GUCY2F: variants seen among roughly 807,000 people sequenced by gnomAD.
GUCY2F encodes the protein retinal guanylyl cyclase 2.
Under a neutral mutation model 73.1 loss-of-function variants are expected in GUCY2F, and 61 were observed. The observed-to-expected ratio is 0.83, with a 90% confidence interval of 0.68 to 1.03. GUCY2F has a LOEUF of 1.03. GUCY2F is among the 50% of genes least tolerant of loss of function. The pLI is 0.00. For synonymous variants in GUCY2F, 331 were observed against 307.8 expected (o/e 1.08, Z -0.79); for missense variants, 912 against 854.3 (o/e 1.07, Z -0.84).
intron 7 of GUCY2F, among the ~76,000 whole-genome samples, chrX:109,436,023 G>A (rs1300499161): frequency 6.3e-5 from 7 of 111,199 alleles, no homozygotes; most frequent in African/African-American, 2.0e-4. Context: ...TGCTGGATTC[G>A]GTTTGCCAGC....
At chrX:109,436,031 A>G (rs1478600852) in intron 7 of GUCY2F, among the ~76,000 whole-genome samples, 1 of 111,554 alleles carries the variant, frequency 9.0e-6, no homozygotes, top group Admixed American at 9.6e-5. Flanking sequence ...TCGGTTTGCC[A>G]GCATCTGACA....
At chrX:109,416,948 A>G (rs75578824) in intron 8 of GUCY2F, among the ~76,000 whole-genome samples, 1 of 109,578 alleles carries the variant, frequency 9.1e-6, no homozygotes, top group Non-Finnish European at 1.9e-5. Context: ...AAAAAAAAAA[A>G]CCAATGAAAC....
chrX:109,481,757 T>A (rs1932766611), intron 1 of GUCY2F, 109 bp downstream of exon 1: 1 of 110,592 alleles, frequency 9.0e-6, no homozygotes, highest in African/African-American at 3.3e-5. Context: ...TTACTACATA[T>A]TGCAGTAAAA....
At chrX:109,400,693 C>A (rs758935421) in intron 10 of GUCY2F, among the ~76,000 whole-genome samples, 39 of 111,728 alleles carry the variant, frequency 3.5e-4, no homozygotes, top group Admixed American at 2.0e-3. Flanking sequence ...CCCCTCTGAG[C>A]TTCCACCCAC....
chrX:109,399,215 C>G (rs978802057), intron 10 of GUCY2F, among the ~76,000 whole-genome samples: 4 of 112,838 alleles, frequency 3.5e-5, no homozygotes, highest in African/African-American at 6.4e-5. Context: ...ATTCCTTCAA[C>G]TCAGTTCTGC....
At chrX:109,458,322 C>T (rs1330149076) in intron 3 of GUCY2F, among the ~76,000 whole-genome samples, 1 of 111,792 alleles carries the variant, frequency 8.9e-6, no homozygotes, top group Non-Finnish European at 1.9e-5. Context: ...TCTGCCACTT[C>T]CCAGCTGTAT....
chrX:109,396,467 C>T (rs1271035176), intron 11 of GUCY2F, among the ~76,000 whole-genome samples: 14 of 111,565 alleles, frequency 1.3e-4, no homozygotes, highest in African/African-American at 3.3e-5. Flanking sequence ...CAGATCTGGC[C>T]GTATCACTTT....
At chrX:109,378,792 T>A (rs886776925) in intron 17 of GUCY2F, among the ~76,000 whole-genome samples, 4 of 111,839 alleles carry the variant, frequency 3.6e-5, no homozygotes, top group Non-Finnish European at 7.5e-5. Flanking sequence ...AGAATGTAAA[T>A]TAGTACAGCC....
At chrX:109,383,400 G>A (rs1294890674) in intron 16 of GUCY2F, 1 of 732,563 alleles carries the variant, frequency 1.4e-6, no homozygotes, top group Non-Finnish European at 1.6e-6. Flanking sequence ...AATCACTCCA[G>A]GACTGGGTCA....
At chrX:109,461,647 G>GA (rs1225555040) in intron 3 of GUCY2F, among the ~76,000 whole-genome samples, 3 of 111,196 alleles carry the variant, frequency 2.7e-5, no homozygotes, top group South Asian at 3.8e-4. Flanking sequence ...TATGGAGAGG[G>GA]AAAAAAAACT....
Position 109,402,434 on chromosome X carries a change from G to A in GUCY2F, c.2125+1894C>T, listed in dbSNP as rs767884421. Among the ~76,000 whole-genome samples the A allele has an allele frequency of 3.3e-3, 353 of 107,356 alleles. 3 individuals carry two copies. Among genetic ancestry groups the A allele is most frequent in the Non-Finnish European group, 5.0e-3 (258 of 51,965 alleles). The allele number at this position is 107,356 out of a possible 115,157, so 93.2% of individuals were successfully genotyped here. On this transcript the variant is annotated intron_variant, in intron 10 of 19. Transcript: ENST00000218006. ...GTCACCCAGGCTGGAGTGCAGTGGCGCAGTCTCGGCTCACTGCAACCTCCG... is the reference window on the plus strand; with the variant it reads ...GTCACCCAGGCTGGAGTGCAGTGGCACAGTCTCGGCTCACTGCAACCTCCG...
intron 3 of GUCY2F, among the ~76,000 whole-genome samples, chrX:109,454,441 G>T (rs1027624378): frequency 9.0e-6 from 1 of 111,437 alleles, no homozygotes; most frequent in African/African-American, 3.3e-5. Context: ...GTATGCACAC[G>T]CAGACATCCA....
intron 7 of GUCY2F, among the ~76,000 whole-genome samples, chrX:109,434,938 G>A (rs1931703871): frequency 9.1e-6 from 1 of 109,956 alleles, no homozygotes; most frequent in Non-Finnish European, 1.9e-5. Flanking sequence ...GATAGTTGTA[G>A]ATATGTGGCG....
chrX:109,423,991 T>G (rs972030701), intron 8 of GUCY2F, among the ~76,000 whole-genome samples: 1 of 111,874 alleles, frequency 8.9e-6, no homozygotes, highest in Non-Finnish European at 1.9e-5. Flanking sequence ...TTAATAATCC[T>G]CTAGCAATGC....
In GUCY2F at chrX:109,433,470, G is replaced by A. The variant is rs183396382; in HGVS notation, c.1702-3074C>T. 3.4e-3 allele frequency among the ~76,000 whole-genome samples: 385 copies of A among 112,034 alleles called. 1 individual carries two copies. The highest frequency in any genetic ancestry group is 5.3e-3 in the Non-Finnish European group (284 of 53,216). On this transcript the variant is annotated intron_variant, in intron 7 of 19. Transcript: ENST00000218006. ...TCCTACTTTGTTGCTCTTTCCTCTC[G>A]TTAGGCTTTCTTTGGTTTGGGAGAT...
In GUCY2F at chrX:109,430,397, C is replaced by G; in HGVS notation, c.1702-1G>C. ...ACTTTTTCAGCCACACCCAATCACC[C>G]TAGAAAGAAAAGGAGGAGAATGAAT... On this transcript the variant is annotated splice_acceptor_variant, in intron 7 of 19. Coordinates refer to ENST00000218006, the MANE Select transcript of GUCY2F (RefSeq NM_001522.3). LOFTEE classifies it high-confidence loss of function. 1 of 1,044,508 alleles carries G rather than the reference C, an allele frequency of 9.6e-7. No homozygotes were observed. Among genetic ancestry groups the G allele is most frequent in the African/African-American group, 1.8e-5 (1 of 54,692 alleles). The allele number at this position is 1,044,508 out of a possible 1,213,427, so 86.1% of individuals were successfully genotyped here.
At position 109,388,598 on chromosome X, in the gene GUCY2F, A is replaced by G; in HGVS notation, c.2847T>C (p.His949=). 1 of 1,199,415 alleles carries G rather than the reference A, an allele frequency of 8.3e-7. No homozygotes were observed. Among genetic ancestry groups the G allele is most frequent in the Non-Finnish European group, 1.1e-6 (1 of 884,570 alleles). Residue 949 remains histidine (H), a synonymous_variant, in exon 15 of 20, where the codon CAT becomes CAC. Transcript: ENST00000218006. The part of the protein sequence containing the change: ...SGLPKRNGSR[H]AAEIANMSLD... ...AGGACATGTTTGCAATCTCAGCTGC[A>G]TGCCTACTGCCATTCCTCTTTGGGA...
chrX:109,456,669 A>C (rs1032430886), intron 3 of GUCY2F, among the ~76,000 whole-genome samples: 3 of 111,266 alleles, frequency 2.7e-5, no homozygotes, highest in Non-Finnish European at 5.7e-5. Flanking sequence ...ACAGCCACAA[A>C]AGTATGGTAG....
intron 4 of GUCY2F, among the ~76,000 whole-genome samples, chrX:109,452,996 A>C (rs1269125990): frequency 8.9e-6 from 1 of 112,021 alleles, no homozygotes; most frequent in African/African-American, 3.2e-5. Flanking sequence ...GTGGAGAGAC[A>C]ATCAGTACAC....
Sources: gnomAD v4.1 joint callset for allele counts (sites outside exome capture counted in the v4.1 genomes callset) on GRCh38, gnomAD v4.1.1 for gene constraint, MANE v1.5 for transcripts, NCBI Gene and HGNC (gene_info 2026-07-23, HGNC 2026-07-21) for gene names.